Variants in UBE2L3 observed in about 807,000 individuals in gnomAD.
The protein encoded by UBE2L3 is ubiquitin-conjugating enzyme E2 L3.
In UBE2L3, 1 loss-of-function variant was observed where a neutral mutation model predicts 17.8. That is an observed-to-expected ratio of 0.06 (90% CI 0.02 to 0.27). The LOEUF is 0.27. Ranked by LOEUF, UBE2L3 falls within the 10% of genes least tolerant of loss-of-function variation. The pLI, the probability that UBE2L3 is intolerant of heterozygous loss-of-function variation, is 1.00. For missense variants in UBE2L3, 40 were observed against 192.6 expected, an observed-to-expected ratio of 0.21 and a Z score of 4.69; for synonymous variants, 44 against 68.5, an observed-to-expected ratio of 0.64 and a Z score of 1.76.
chr22:21,565,041 C>T (rs757804122), upstream of UBE2L3, among the ~76,000 whole-genome samples: 18 of 151,936 alleles, frequency 1.2e-4, no homozygotes, highest in Non-Finnish European at 2.5e-4. Context: ...CCGTGTCAAG[C>T]CTGGGCTCCC....
chr22:21,607,584 TGTGCCATGGCAA>T lies in UBE2L3; in HGVS notation c.124-3261_124-3250del, dbSNP rs980694053. Among the ~76,000 whole-genome samples, 77 of 145,434 alleles carry T rather than the reference TGTGCCATGGCAA, an allele frequency of 5.3e-4. No homozygotes were observed. In the Middle Eastern group the frequency reaches 0.011, roughly 21 times the overall value. On this transcript the variant is annotated intron_variant, in intron 2 of 3. Coordinates refer to ENST00000342192, the MANE Select transcript of UBE2L3 (RefSeq NM_003347.4). ...GAAGCTTGGATTTCTTTGGGTTGGG[TGTGCCATGGCAA>T]GTGCCATGGCAGACCTGGGTGAGGG...
chr22:21,613,252 G>T (rs973620604), intron 3 of UBE2L3, among the ~76,000 whole-genome samples: 2 of 152,196 alleles, frequency 1.3e-5, no homozygotes. Context: ...CCGTGGCAGG[G>T]TTATTCACTT....
chr22:21,617,071 G>A (rs1207448071), intron 3 of UBE2L3, among the ~76,000 whole-genome samples: 3 of 150,378 alleles, frequency 2.0e-5, no homozygotes, highest in South Asian at 2.1e-4. Flanking sequence ...TTAGCCGGGC[G>A]TGGTTGCGGG....
rs182335787 is a variant in UBE2L3, at chr22:21,577,354, C to T, written c.27+9583C>T. ...TCCTAACCTCAGGTGATCCGCCTGCCTCAGCCTCCCAAATAGCTGGGATTA... is the reference window on the plus strand; with the variant it reads ...TCCTAACCTCAGGTGATCCGCCTGCTTCAGCCTCCCAAATAGCTGGGATTA... On this transcript the variant is annotated intron_variant, in intron 1 of 3. Coordinates refer to ENST00000342192, the MANE Select transcript of UBE2L3 (RefSeq NM_003347.4). Among the ~76,000 whole-genome samples, 34 of 152,306 alleles carry T rather than the reference C, an allele frequency of 2.2e-4. No individual in the cohort carries two copies. In the East Asian group the frequency reaches 6.4e-3, roughly 29 times the overall value.
At chr22:21,598,124 C>T (rs1317893447) in intron 2 of UBE2L3, among the ~76,000 whole-genome samples, 2 of 149,576 alleles carry the variant, frequency 1.3e-5, no homozygotes, top group Non-Finnish European at 3.0e-5. Flanking sequence ...TGAGTCTTTT[C>T]TCTTTTTCCT....
intron 2 of UBE2L3, among the ~76,000 whole-genome samples, chr22:21,596,524 C>G (rs536757210): frequency 7.9e-5 from 12 of 152,108 alleles, no homozygotes; most frequent in Non-Finnish European, 1.6e-4. Context: ...GTGTGCACCA[C>G]CATGCCCAGC....
intron 1 of UBE2L3, among the ~76,000 whole-genome samples, chr22:21,561,724 C>T (rs1238278104): frequency 2.0e-5 from 3 of 152,276 alleles, no homozygotes; most frequent in African/African-American, 7.2e-5. Flanking sequence ...ACAGCCTGGG[C>T]ACAGTGGGGG....
chr22:21,608,953 G>A (rs1929325301), intron 2 of UBE2L3, among the ~76,000 whole-genome samples: 1 of 151,366 alleles, frequency 6.6e-6, no homozygotes, highest in Non-Finnish European at 1.5e-5. Flanking sequence ...AGACTGCAGT[G>A]GCGCAATCTC....
At position 21,612,641 on chromosome 22, in the gene UBE2L3, TTC is replaced by T. The variant is rs1438740915; in HGVS notation, c.310+1600_310+1601del. Among the ~76,000 whole-genome samples, 113 of 131,164 alleles carry T rather than the reference TTC, an allele frequency of 8.6e-4. 1 individual carries two copies. Among genetic ancestry groups the T allele is most frequent in the African/African-American group, 3.7e-3 (111 of 29,968 alleles). The allele number at this position is 131,164 out of a possible 152,430, so 86.0% of individuals were successfully genotyped here. A position where few individuals can be genotyped will look rare whatever the true frequency, so the allele number is the denominator to read the frequency against. On this transcript the variant is annotated intron_variant, in intron 3 of 3. Coordinates refer to ENST00000342192, the MANE Select transcript of UBE2L3 (RefSeq NM_003347.4). ...CACCCAGCCGATTTTTTCTTTTCTTTTCTTTTTTTTTTTTTTTTTTTTTTTTT... is the reference window on the plus strand; with the variant it reads ...CACCCAGCCGATTTTTTCTTTTCTTTTTTTTTTTTTTTTTTTTTTTTTTTT...
intron 2 of UBE2L3, among the ~76,000 whole-genome samples, chr22:21,606,922 G>A (rs2148437868): frequency 6.6e-6 from 1 of 152,318 alleles, no homozygotes; most frequent in South Asian, 2.1e-4. Flanking sequence ...GGGCCACACT[G>A]CCTGCCCGCA....
At chr22:21,611,270 A>G (rs1357038045) in intron 3 of UBE2L3, among the ~76,000 whole-genome samples, 1 of 152,216 alleles carries the variant, frequency 6.6e-6, no homozygotes, top group Non-Finnish European at 1.5e-5. Context: ...GCTGCCATCC[A>G]CAGTGGGAAC....
intron 1 of UBE2L3, among the ~76,000 whole-genome samples, chr22:21,587,631 G>A (rs1025227019): frequency 1.3e-5 from 2 of 152,202 alleles, no homozygotes; most frequent in Admixed American, 6.5e-5. Flanking sequence ...CAAGACGCAG[G>A]TGTGTACATC....
rs530320885 is a variant in UBE2L3, at chr22:21,616,844, T to G, written c.311-4671T>G. ...ACATTTTATTCTTTGACAATGAAGC[T>G]CCCTGGATTTTTATGAAAAGGAGGG... On this transcript the variant is annotated intron_variant, in intron 3 of 3. Transcript: ENST00000342192. Among the ~76,000 whole-genome samples the G allele has an allele frequency of 6.4e-4, 97 of 151,944 alleles. 2 individuals carry two copies. The highest frequency in any genetic ancestry group is 2.0e-3 in the African/African-American group (83 of 41,426).
intron 3 of UBE2L3, among the ~76,000 whole-genome samples, chr22:21,611,583 T>C (rs1378879468): frequency 1.3e-5 from 2 of 152,166 alleles, no homozygotes; most frequent in African/African-American, 4.8e-5. Flanking sequence ...TTGGCTTTAG[T>C]GGGCCTGGGA....
chr22:21,588,235 C>T (rs181894677), intron 1 of UBE2L3, among the ~76,000 whole-genome samples: 4 of 152,100 alleles, frequency 2.6e-5, no homozygotes, highest in African/African-American at 9.7e-5. Flanking sequence ...TTTATCAGGT[C>T]CTTTCTTCTG....
chr22:21,612,643 CTTTTTTTTTTTTTT>C lies in UBE2L3; in HGVS notation c.310+1615_310+1628del, dbSNP rs57678378. ...CCCAGCCGATTTTTTCTTTTCTTTT[CTTTTTTTTTTTTTT>C]TTTTTTTTTTTTTTGAGACGGAGTC... On this transcript the variant is annotated intron_variant, in intron 3 of 3. Transcript: ENST00000342192. Among the ~76,000 whole-genome samples the C allele has an allele frequency of 2.3e-3, 121 of 52,496 alleles. 2 individuals carry two copies. Among genetic ancestry groups the C allele is most frequent in the Non-Finnish European group, 3.4e-3 (90 of 26,850 alleles). The allele number at this position is 52,496 out of a possible 152,430, so 34.4% of individuals were successfully genotyped here.
chr22:21,563,125 C>T (rs997782738), upstream of UBE2L3, among the ~76,000 whole-genome samples: 1 of 151,370 alleles, frequency 6.6e-6, no homozygotes. Flanking sequence ...ACATGTAATC[C>T]CAGCTACTCG....
In UBE2L3 at chr22:21,610,952, G is replaced by A. The variant is rs1275254323; in HGVS notation, c.219G>A (p.Lys73=). ...CACCGAAGATCACATTTAAAACAAA[G>A]ATCTATCACCCAAACATCGACGAAA... is the stretch of plus-strand genomic sequence containing the variant. ...FKPPKITFKT[K]IYHPNIDEKG... is the part of the protein sequence containing the mutation. Residue 73 remains lysine (K), a synonymous_variant, in exon 3 of 4, where the codon AAG becomes AAA. Coordinates refer to ENST00000342192, the MANE Select transcript of UBE2L3 (RefSeq NM_003347.4). 5 of 1,613,658 alleles carry A rather than the reference G, an allele frequency of 3.1e-6. No homozygotes were observed. Among genetic ancestry groups the A allele is most frequent in the Non-Finnish European group, 3.4e-6 (4 of 1,179,962 alleles).
intron 1 of UBE2L3, among the ~76,000 whole-genome samples, chr22:21,584,228 A>G (rs1202514932): frequency 1.2e-4 from 17 of 142,112 alleles, no homozygotes; most frequent in African/African-American, 4.6e-4. Context: ...CCCAGGCTGG[A>G]GTGCAGTGGG....
Sources: gnomAD v4.1 joint callset for allele counts (sites outside exome capture counted in the v4.1 genomes callset) on GRCh38, gnomAD v4.1.1 for gene constraint, MANE v1.5 for transcripts, NCBI Gene and HGNC (gene_info 2026-07-23, HGNC 2026-07-21) for gene names.